Variants in ARHGEF7 observed in about 807,000 individuals in gnomAD.
ARHGEF7 encodes the protein PAK-interacting exchange factor beta.
ARHGEF7 carries 33 observed loss-of-function variants against 109.8 expected under a neutral mutation model. That is an observed-to-expected ratio of 0.30 (90% confidence interval 0.23 to 0.40). ARHGEF7 has a LOEUF of 0.40. Among genes scored for constraint, ARHGEF7 ranks in the 10% least tolerant of loss-of-function variants. The pLI is 1.00. For synonymous variants in ARHGEF7, 458 were observed against 424.6 expected, an observed-to-expected ratio of 1.08 and a Z score of -0.97; for missense variants, 938 against 1,098.5, an observed-to-expected ratio of 0.85 and a Z score of 2.07.
intron 8 of ARHGEF7, among the ~76,000 whole-genome samples, chr13:111,264,886 A>G (rs1355870493): frequency 2.6e-5 from 4 of 152,172 alleles, no homozygotes; most frequent in South Asian, 2.1e-4. Context: ...ACATATTGCT[A>G]TGTTTTAGAA....
Position 111,273,731 on chromosome 13 carries a change from TG to T in ARHGEF7, c.1074-81del. 1 of 1,560,410 alleles carries T rather than the reference TG, an allele frequency of 6.4e-7. No homozygotes were observed. Among genetic ancestry groups the T allele is most frequent in the South Asian group, 1.1e-5 (1 of 88,866 alleles). The stretch of plus-strand genomic sequence containing the variant: ...AGCAACACTTATGTTTCATAAATTC[TG>T]GCTGTTGCTCATGGAGATGAGAGAG... On this transcript the variant is annotated intron_variant, in intron 9 of 21. Transcript: ENST00000646102. The surrounding 1 kb of genome is among the most constrained non-coding windows in gnomAD (Gnocchi z 4.5).
intron 1 of ARHGEF7, among the ~76,000 whole-genome samples, chr13:111,139,924 G>A (rs1347868235): frequency 6.6e-6 from 1 of 152,246 alleles, no homozygotes; most frequent in Non-Finnish European, 1.5e-5. Context: ...AACTTTTAAG[G>A]TAAAACTAAG....
At chr13:111,277,815 A>G (rs1186949557) in intron 13 of ARHGEF7, 142 bp downstream of exon 13, 1 of 580,460 alleles carries the variant, frequency 1.7e-6, no homozygotes, top group Non-Finnish European at 3.0e-6. Context: ...ATGGACGTAC[A>G]GCTCCTGTTT....
chr13:111,295,832 A>AT (rs1301339464), intron 19 of ARHGEF7, among the ~76,000 whole-genome samples: 6 of 152,240 alleles, frequency 3.9e-5, no homozygotes, highest in Non-Finnish European at 8.8e-5. Flanking sequence ...TTTTCAGTTG[A>AT]TTAGAGATGC....
intron 6 of ARHGEF7, among the ~76,000 whole-genome samples, chr13:111,237,681 G>A (rs561742403): frequency 5.3e-5 from 8 of 152,318 alleles, no homozygotes; most frequent in Admixed American, 2.6e-4. Flanking sequence ...ATGATTAAGC[G>A]ATCAGTGGTT....
chr13:111,209,752 T>G, intron 3 of ARHGEF7, 120 bp from the exon 4 acceptor site: 1 of 1,153,578 alleles, frequency 8.7e-7, no homozygotes, highest in Non-Finnish European at 1.2e-6. Flanking sequence ...ATGGGCTGCT[T>G]TGTTGTGGTC....
intron 19 of ARHGEF7, chr13:111,293,948 ATT>A (rs2093363501): frequency 1.0e-6 from 1 of 985,458 alleles, no homozygotes; most frequent in Admixed American, 6.1e-5. Flanking sequence ...GGGTGGCTTC[ATT>A]CAGCATGGAA....
chr13:111,300,934 A>T, intron 20 of ARHGEF7, 87 bp downstream of exon 20: 1 of 742,338 alleles, frequency 1.3e-6, no homozygotes, highest in Non-Finnish European at 2.2e-6. Flanking sequence ...GGGCGGGGGT[A>T]TGGCTTCAGA....
intron 2 of ARHGEF7, among the ~76,000 whole-genome samples, chr13:111,156,842 A>T (rs1447769177): frequency 1.3e-5 from 2 of 152,262 alleles, no homozygotes; most frequent in African/African-American, 2.4e-5. Flanking sequence ...TAATAGCTTA[A>T]ATTCTAGATT....
At chr13:111,150,588 G>A (rs1212329067) in intron 1 of ARHGEF7, among the ~76,000 whole-genome samples, 1 of 152,180 alleles carries the variant, frequency 6.6e-6, no homozygotes. Context: ...TGTTTTCCCA[G>A]CAGTTATTGA....
At chr13:111,205,152 G>A in intron 2 of ARHGEF7, 137 bp from the exon 3 acceptor site, 1 of 608,030 alleles carries the variant, frequency 1.6e-6, no homozygotes, top group Admixed American at 3.7e-5. Context: ...GACTGAGCGT[G>A]CTGGTCTCCC....
intron 5 of ARHGEF7, among the ~76,000 whole-genome samples, chr13:111,226,122 G>A (rs1197467725): frequency 6.6e-6 from 1 of 152,166 alleles, no homozygotes; most frequent in African/African-American, 2.4e-5. Flanking sequence ...TGAGTGGTGT[G>A]GATAGAAGAT....
intron 2 of ARHGEF7, among the ~76,000 whole-genome samples, chr13:111,156,394 C>T (rs1488397539): frequency 6.6e-6 from 1 of 152,206 alleles, no homozygotes; most frequent in Non-Finnish European, 1.5e-5. Context: ...GTAAATATCT[C>T]TTCCAGTAAA....
At position 111,266,205 on chromosome 13, in the gene ARHGEF7, C is replaced by T. The variant is rs1232606818; in HGVS notation, c.951-1343C>T. On this transcript the variant is annotated intron_variant, in intron 8 of 21. Transcript: ENST00000646102. The surrounding 1 kb of genome is among the most constrained non-coding windows in gnomAD (Gnocchi z 4.8). The stretch of plus-strand genomic sequence containing the variant: ...CAGTTAGAGGAAGCGATTTCCACCC[C>T]CGTTTCAAGGGGTGCTTCAGTGTTT... 6.6e-6 allele frequency among the ~76,000 whole-genome samples: 1 copy of T among 151,958 alleles called. No individual in the cohort carries two copies. The highest frequency in any genetic ancestry group is 1.9e-4 in the East Asian group (1 of 5,152).
intron 2 of ARHGEF7, among the ~76,000 whole-genome samples, chr13:111,197,207 A>T (rs1178177435): frequency 6.6e-6 from 1 of 151,732 alleles, no homozygotes; most frequent in South Asian, 2.1e-4. Flanking sequence ...GACCCTGCTG[A>T]TGGGAATAGT....
rs1449062455 is a variant in ARHGEF7 at position 111,266,352 on chromosome 13, G to A, written c.951-1196G>A. Among the ~76,000 whole-genome samples the A allele has an allele frequency of 6.6e-6, 1 of 151,934 alleles. No individual in the cohort carries two copies. The highest frequency in any genetic ancestry group is 1.5e-5 in the Non-Finnish European group (1 of 67,982). Reference sequence around the variant, plus strand: ...TCTGAATGACTCTGCTGTTGTCTGGGGCCTCGGTCTTCTTTTGGCCTGTGT... The same window carrying A: ...TCTGAATGACTCTGCTGTTGTCTGGAGCCTCGGTCTTCTTTTGGCCTGTGT... On this transcript the variant is annotated intron_variant, in intron 8 of 21. Coordinates refer to ENST00000646102, the MANE Select transcript of ARHGEF7 (RefSeq NM_001354046.2). The surrounding 1 kb of genome is among the most constrained non-coding windows in gnomAD (Gnocchi z 4.8).
chr13:111,265,468 CTA>C (rs1296304985), intron 8 of ARHGEF7: 2 of 421,688 alleles, frequency 4.7e-6, no homozygotes, highest in African/African-American at 4.1e-5. Context: ...ATTCTCCTGA[CTA>C]TGACTTTCTC....
chr13:111,274,277 C>A (rs1425722159), intron 10 of ARHGEF7, among the ~76,000 whole-genome samples: 1 of 152,220 alleles, frequency 6.6e-6, no homozygotes, highest in Non-Finnish European at 1.5e-5. Flanking sequence ...TAGGGTAATA[C>A]TGTACTAATC....
intron 6 of ARHGEF7, among the ~76,000 whole-genome samples, chr13:111,240,371 A>T (rs148969303): frequency 8.6e-5 from 13 of 151,998 alleles, no homozygotes; most frequent in Admixed American, 8.5e-4. Flanking sequence ...GGTCTCTCCA[A>T]ACTTTTTTTG....
Sources: gnomAD v4.1 joint callset for allele counts (sites outside exome capture counted in the v4.1 genomes callset) on GRCh38, gnomAD v4.1.1 for gene constraint, Gnocchi (gnomAD v3.1) non-coding constraint, MANE v1.5 for transcripts, NCBI Gene and HGNC (gene_info 2026-07-23, HGNC 2026-07-21) for gene names.